The following CBLB variants were observed in gnomAD, a reference collection of about 807,000 sequenced individuals.
CBLB encodes the protein E3 ubiquitin-protein ligase CBL-B.
CBLB carries 31 observed loss-of-function variants against 104.9 expected under a neutral mutation model. That is an observed-to-expected ratio of 0.30 (90% confidence interval 0.22 to 0.40). The LOEUF is 0.40. Ranked by LOEUF, CBLB falls within the 10% of genes least tolerant of loss-of-function variation. CBLB has a pLI of 1.00. For missense variants in CBLB, 1,062 were observed against 1,214.6 expected (o/e 0.87, Z 1.87); for synonymous variants, 440 against 422.6 (o/e 1.04, Z -0.51).
chr3:105,731,287 T>C (rs2074283677), intron 9 of CBLB, among the ~76,000 whole-genome samples: 3 of 152,182 alleles, frequency 2.0e-5, no homozygotes, highest in Admixed American at 6.5e-5. Flanking sequence ...ATACAGTAAG[T>C]CCTCAATTAA....
In CBLB at chr3:105,662,377, A is replaced by G. The variant is rs1559720663; in HGVS notation, c.2690-3148T>C. Among the ~76,000 whole-genome samples the G allele has an allele frequency of 2.6e-5, 4 of 152,308 alleles. No individual in the cohort carries two copies. The South Asian group carries it at 8.3e-4, about 32-fold the overall frequency. On this transcript the variant is annotated intron_variant, in intron 18 of 18. Coordinates refer to ENST00000394030, the MANE Select transcript of CBLB (RefSeq NM_170662.5). Reference sequence around the variant, plus strand: ...TTTGGGAGCACACTGAAATAACTATAAATTTTATCAACCCTGTGGAATTTC... The same window carrying G: ...TTTGGGAGCACACTGAAATAACTATGAATTTTATCAACCCTGTGGAATTTC...
chr3:105,771,652 A>AAG (rs1302543494), intron 4 of CBLB, among the ~76,000 whole-genome samples: 2 of 152,294 alleles, frequency 1.3e-5, no homozygotes, highest in East Asian at 3.9e-4. Context: ...TTCATCCAAA[A>AAG]AGCTCCCAGA....
intron 18 of CBLB, among the ~76,000 whole-genome samples, chr3:105,661,078 C>T (rs2063749807): frequency 6.6e-6 from 1 of 151,804 alleles, no homozygotes; most frequent in African/African-American, 2.4e-5. Flanking sequence ...GCTAAAATTA[C>T]AGGCGTGAGC....
intron 3 of CBLB, among the ~76,000 whole-genome samples, chr3:105,792,257 G>C (rs1001687537): frequency 6.6e-6 from 1 of 152,138 alleles, no homozygotes; most frequent in African/African-American, 2.4e-5. Context: ...TACATCTAAA[G>C]CATCTTCAAG....
At chr3:105,800,713 T>A (rs912954748) in intron 3 of CBLB, among the ~76,000 whole-genome samples, 3 of 152,110 alleles carry the variant, frequency 2.0e-5, no homozygotes, top group Admixed American at 1.3e-4. Flanking sequence ...CTAAGCAATA[T>A]TCCAAGGACA....
At chr3:105,730,439 A>G (rs1457807902) in intron 9 of CBLB, among the ~76,000 whole-genome samples, 1 of 152,098 alleles carries the variant, frequency 6.6e-6, no homozygotes, top group Non-Finnish European at 1.5e-5. Flanking sequence ...CTTTTTATTT[A>G]ATGTACTTTT....
chr3:105,809,510 C>T (rs935513729), intron 3 of CBLB, among the ~76,000 whole-genome samples: 4 of 152,092 alleles, frequency 2.6e-5, no homozygotes, highest in Admixed American at 6.6e-5. Flanking sequence ...ATTTTTTAAA[C>T]ATACATACAG....
At position 105,702,459 on chromosome 3, in the gene CBLB, A is replaced by G; in HGVS notation, c.1594T>C (p.Ser532Pro). The change falls in exon 12 of 19, where the codon TCT (serine) becomes CCT (proline). Residue 532 changes from serine to proline, a missense_variant and splice_region_variant. Around this residue, in one of 2 missense-constraint regions of CBLB, gnomAD observed 605 missense variants for 582.6 expected, o/e 1.04. Transcript: ENST00000394030. ...PCGSPTGSPK[S>P]SPCMVRKQDK... The stretch of plus-strand genomic sequence containing the variant: ...TGTTTTCTCACCATGCAAGGAGAAG[A>G]CTAAAGAAACAGAAGAGAAAAAAAA... 1 of 1,324,766 alleles carries G rather than the reference A, an allele frequency of 7.5e-7. No individual in the cohort carries two copies. The highest frequency in any genetic ancestry group is 1.1e-6 in the Non-Finnish European group (1 of 935,244). 82.1% of individuals were successfully genotyped at this position (1,324,766 alleles called of 1,614,324 possible). A position where few individuals can be genotyped will look rare whatever the true frequency, so the allele number is the denominator to read the frequency against.
At chr3:105,710,236 G>A (rs1188703800) in intron 10 of CBLB, among the ~76,000 whole-genome samples, 1 of 151,824 alleles carries the variant, frequency 6.6e-6, no homozygotes, top group African/African-American at 2.4e-5. Context: ...GTTAATGAAT[G>A]ACTAAAGTAT....
intron 17 of CBLB, among the ~76,000 whole-genome samples, chr3:105,676,139 T>C (rs1296050584): frequency 6.6e-6 from 1 of 151,856 alleles, no homozygotes; most frequent in Non-Finnish European, 1.5e-5. Flanking sequence ...ACACTCTAAG[T>C]TAAGGATAAG....
At position 105,734,147 on chromosome 3, in the gene CBLB, T is replaced by G; in HGVS notation, c.1072-7A>C. ...AATATAATTCATATTGTTCCTGGAA[T>G]TTGGGGAGGAGGGAGAAAGTAATGT... On this transcript the variant is annotated splice_polypyrimidine_tract_variant and splice_region_variant and intron_variant, in intron 8 of 18. Coordinates refer to ENST00000394030, the MANE Select transcript of CBLB (RefSeq NM_170662.5). The G allele has an allele frequency of 6.2e-7, 1 of 1,613,466 alleles. No individual in the cohort carries two copies. The highest frequency in any genetic ancestry group is 1.7e-4 in the Middle Eastern group (1 of 6,056).
intron 13 of CBLB, among the ~76,000 whole-genome samples, chr3:105,691,867 T>C (rs2067741234): frequency 6.6e-6 from 1 of 152,194 alleles, no homozygotes; most frequent in African/African-American, 2.4e-5. Context: ...CCTTTCCCAA[T>C]TGTGCCTGTA....
intron 9 of CBLB, among the ~76,000 whole-genome samples, chr3:105,731,223 T>C (rs1172470166): frequency 1.3e-5 from 2 of 152,222 alleles, no homozygotes; most frequent in Non-Finnish European, 2.9e-5. Context: ...AATGTTCCTA[T>C]GCCTTTTGCA....
chr3:105,821,532 A>G (rs1560399301), intron 3 of CBLB, among the ~76,000 whole-genome samples: 1 of 152,180 alleles, frequency 6.6e-6, no homozygotes, highest in South Asian at 2.1e-4. Flanking sequence ...AAACAAAACA[A>G]AAAGAAATCT....
In CBLB at chr3:105,659,317, T is replaced by C. The variant is rs1189870395; in HGVS notation, c.2690-88A>G. ...CATAACAGCATTATCTCATTTCCTA[T>C]GGAAATATTATTTCTTGTTTTCTTT... On this transcript the variant is annotated intron_variant, in intron 18 of 18. Transcript: ENST00000394030. 8.6e-6 allele frequency: 11 copies of C among 1,280,088 alleles called. No individual in the cohort carries two copies. In the Admixed American group the frequency reaches 2.0e-4, roughly 23 times the overall value. The allele number at this position is 1,280,088 out of a possible 1,614,324, so 79.3% of individuals were successfully genotyped here.
At chr3:105,694,206 T>C (rs910769436) in intron 12 of CBLB, among the ~76,000 whole-genome samples, 2 of 151,956 alleles carry the variant, frequency 1.3e-5, no homozygotes, top group African/African-American at 4.8e-5. Context: ...TCTAACTTGC[T>C]CATATGGGAC....
At chr3:105,748,196 A>T (rs1395236589) in intron 5 of CBLB, among the ~76,000 whole-genome samples, 2 of 152,172 alleles carry the variant, frequency 1.3e-5, no homozygotes, top group Non-Finnish European at 2.9e-5. Flanking sequence ...CTTTTAAATG[A>T]CTATAGAAAT....
chr3:105,750,664 T>A (rs944562634), intron 5 of CBLB, among the ~76,000 whole-genome samples: 2 of 152,172 alleles, frequency 1.3e-5, no homozygotes, highest in Non-Finnish European at 1.5e-5. Context: ...GTCTTCATGT[T>A]TAAGATAATT....
chr3:105,720,635 A>T (rs2072671505), intron 9 of CBLB, among the ~76,000 whole-genome samples: 1 of 152,218 alleles, frequency 6.6e-6, no homozygotes, highest in Non-Finnish European at 1.5e-5. Context: ...CATTCCATAA[A>T]AAAGTATATT....
Sources: allele counts gnomAD v4.1 joint callset (sites outside exome capture counted in the v4.1 genomes callset), GRCh38; gene constraint gnomAD v4.1.1; regional missense constraint gnomAD v4.1.1; transcripts MANE v1.5; gene names NCBI Gene and HGNC (gene_info 2026-07-23, HGNC 2026-07-21).